Variants in CECR2 observed in about 807,000 individuals in gnomAD.
The protein encoded by CECR2 is CECR2 histone acetyl-lysine reader, also known as chromatin remodeling regulator CECR2.
CECR2 carries 30 observed loss-of-function variants against 154.5 expected under a neutral mutation model. The observed-to-expected ratio is 0.19, with a 90% CI of 0.15 to 0.26. The LOEUF is 0.26. CECR2 is among the 10% of genes least tolerant of loss of function. CECR2 has a pLI of 1.00. For missense variants in CECR2, 1,743 were observed against 1,829.3 expected (o/e 0.95, Z 0.86); for synonymous variants, 725 against 683.7 (o/e 1.06, Z -0.94).
intron 7 of CECR2, among the ~76,000 whole-genome samples, chr22:17,505,500 C>G (rs1322019084): frequency 1.3e-5 from 2 of 149,040 alleles, no homozygotes; most frequent in Non-Finnish European, 3.0e-5. Context: ...CACCCTACTT[C>G]ATGCATTTTC....
At position 17,541,927 on chromosome 22, in the gene CECR2, C is replaced by G; in HGVS notation, c.1973C>G (p.Pro658Arg). 1 of 1,613,986 alleles carries G rather than the reference C, an allele frequency of 6.2e-7. No homozygotes were observed. Among genetic ancestry groups the G allele is most frequent in the Non-Finnish European group, 8.5e-7 (1 of 1,179,880 alleles). The change falls in exon 15 of 19, where the codon CCC becomes CGC. Residue 658 changes from proline to arginine, a missense_variant. Pro to Arg is a moderately radical substitution (Grantham distance 103). Coordinates refer to ENST00000262608, the MANE Select transcript of CECR2 (RefSeq NM_001290047.2). ...TCCTCTGGAGTCCCGGAGCCACACC[C>G]CGGGGAGCCTGTGCAGCAGCGTCAG... Reference protein sequence around the residue: ...YGSSGVPEPHPGEPVQQRQPF... With the variant: ...YGSSGVPEPHRGEPVQQRQPF...
In CECR2 at chr22:17,549,153, G is replaced by A; in HGVS notation, c.3866G>A (p.Arg1289Lys). The A allele has an allele frequency of 6.2e-7, 1 of 1,614,008 alleles. No individual in the cohort carries two copies. Among genetic ancestry groups the A allele is most frequent in the Admixed American group, 1.7e-5 (1 of 60,018 alleles). Reference protein sequence around the residue: ...EEEKLDESMERPESPKEFLDL... With the variant: ...EEEKLDESMEKPESPKEFLDL... ...GAGAAGCTGGATGAATCTATGGAGA[G>A]GCCAGAGAGTCCCAAAGAATTTTTA... Residue 1289 changes from arginine to lysine, a missense_variant, in exon 17 of 19, where the codon AGG becomes AAG. Coordinates refer to ENST00000262608, the MANE Select transcript of CECR2 (RefSeq NM_001290047.2).
At chr22:17,416,824 A>G (rs1038682398) in intron 1 of CECR2, among the ~76,000 whole-genome samples, 2 of 152,134 alleles carry the variant, frequency 1.3e-5, no homozygotes, top group Non-Finnish European at 2.9e-5. Flanking sequence ...TTATAGATGG[A>G]TCATGGTTCT....
chr22:17,495,014 C>A (rs1441979579), intron 2 of CECR2, among the ~76,000 whole-genome samples: 15 of 152,208 alleles, frequency 9.9e-5, no homozygotes, highest in Admixed American at 9.2e-4. Flanking sequence ...TTCTTATTTG[C>A]CTAAGCCTTC....
At chr22:17,518,598 CT>C (rs2056101864) in intron 8 of CECR2, 1 of 386,130 alleles carries the variant, frequency 2.6e-6, no homozygotes, top group South Asian at 2.3e-5. Flanking sequence ...TCACGTCTAT[CT>C]TTAGGACGGA....
In CECR2 at chr22:17,447,964, G is replaced by A. The variant is rs1252668095; in HGVS notation, c.127-29624G>A. ...CAGTGCAAATAGAGAACAGGTACAG[G>A]TCCATTAGAGCAATTTCCATCTTAA... On this transcript the variant is annotated intron_variant, in intron 1 of 18. Coordinates refer to ENST00000262608, the MANE Select transcript of CECR2 (RefSeq NM_001290047.2). Among the ~76,000 whole-genome samples the A allele has an allele frequency of 2.6e-5, 4 of 152,092 alleles. No homozygotes were observed. In the East Asian group the frequency reaches 5.8e-4, roughly 22 times the overall value.
At chr22:17,451,576 C>G (rs936109415) in intron 1 of CECR2, among the ~76,000 whole-genome samples, 3 of 152,118 alleles carry the variant, frequency 2.0e-5, no homozygotes, top group Non-Finnish European at 2.9e-5. Flanking sequence ...TGCTCCATTC[C>G]AACCTCACAG....
chr22:17,432,563 TGCATTACTTTA>T (rs1266691379), intron 1 of CECR2, among the ~76,000 whole-genome samples: 1 of 152,244 alleles, frequency 6.6e-6, no homozygotes, highest in African/African-American at 2.4e-5. Context: ...CCAAAGTCAC[TGCATTACTTTA>T]CATTCTCACC....
At chr22:17,498,975 A>AT (rs1331385817) in intron 3 of CECR2, among the ~76,000 whole-genome samples, 2 of 145,776 alleles carry the variant, frequency 1.4e-5, no homozygotes, top group African/African-American at 2.5e-5. Context: ...ATACTTGGAC[A>AT]TTTTTATTTA....
chr22:17,386,771 C>T (rs1237981226), intron 1 of CECR2, among the ~76,000 whole-genome samples: 3 of 152,020 alleles, frequency 2.0e-5, no homozygotes, highest in African/African-American at 7.3e-5. Context: ...CTGTCTCAGC[C>T]TCCCAAGTAG....
At chr22:17,542,050 T>A (rs2056532236) in intron 15 of CECR2, 83 bp downstream of exon 15, 5 of 1,572,490 alleles carry the variant, frequency 3.2e-6, no homozygotes, top group African/African-American at 2.7e-5. Flanking sequence ...AGGTTAAATG[T>A]TGTTCATTGC....
At chr22:17,415,601 T>C (rs550748732) in intron 1 of CECR2, among the ~76,000 whole-genome samples, 3 of 152,320 alleles carry the variant, frequency 2.0e-5, no homozygotes, top group South Asian at 2.1e-4. Context: ...ATTTACACCA[T>C]GCATTGGATA....
intron 9 of CECR2, 56 bp downstream of exon 9, chr22:17,524,327 T>C (rs1433937634): frequency 1.9e-5 from 30 of 1,583,596 alleles, no homozygotes; most frequent in Non-Finnish European, 2.6e-5. Context: ...CCAGCCGTCC[T>C]GTAGCCAGAG....
At chr22:17,399,624 G>C (rs1481213397) in intron 1 of CECR2, among the ~76,000 whole-genome samples, 1 of 152,044 alleles carries the variant, frequency 6.6e-6, no homozygotes, top group Non-Finnish European at 1.5e-5. Context: ...CACTGTGTTG[G>C]TCAGGATGGT....
intron 9 of CECR2, among the ~76,000 whole-genome samples, chr22:17,530,208 C>G (rs2056332101): frequency 6.6e-6 from 1 of 151,192 alleles, no homozygotes; most frequent in African/African-American, 2.4e-5. Flanking sequence ...GTTACATTAC[C>G]CATACTTTTG....
At chr22:17,508,081 G>T (rs1216585553) in intron 7 of CECR2, among the ~76,000 whole-genome samples, 1 of 152,132 alleles carries the variant, frequency 6.6e-6, no homozygotes, top group Non-Finnish European at 1.5e-5. Context: ...TCATTCCATA[G>T]TATATACAAT....
intron 1 of CECR2, among the ~76,000 whole-genome samples, chr22:17,414,208 G>A (rs1035536931): frequency 2.0e-4 from 31 of 152,130 alleles, no homozygotes; most frequent in East Asian, 7.7e-4. Context: ...GCCTGACCTC[G>A]TGATCCGCCC....
chr22:17,552,309 G>A lies in CECR2; in HGVS notation c.4389+167G>A, dbSNP rs559210104. ...CTTGGAAAAAGAGCAAGAGGCCTCG[G>A]AAGTCACCTCTCACATGTCTCTTTT... On this transcript the variant is annotated intron_variant, in intron 18 of 18. Coordinates refer to ENST00000262608, the MANE Select transcript of CECR2 (RefSeq NM_001290047.2). Among the ~76,000 whole-genome samples, 19 of 152,278 alleles carry A rather than the reference G, an allele frequency of 1.2e-4. No individual in the cohort carries two copies. The South Asian group carries it at 3.9e-3, about 32-fold the overall frequency.
rs150862438 is a variant in CECR2 at position 17,504,046 on chromosome 22, CTAAA to C, written c.701-772_701-769del. Reference sequence around the variant, plus strand: ...TGGACAACAGAGCAGGACTCTGCCTCTAAATAAATAAATAAATAAATAAATAAAT... The same window carrying C: ...TGGACAACAGAGCAGGACTCTGCCTCTAAATAAATAAATAAATAAATAAAT... On this transcript the variant is annotated intron_variant, in intron 6 of 18. Coordinates refer to ENST00000262608, the MANE Select transcript of CECR2 (RefSeq NM_001290047.2). Among the ~76,000 whole-genome samples the C allele has an allele frequency of 9.0e-3, 1,228 of 136,590 alleles. 20 individuals are homozygous for C. Among genetic ancestry groups the C allele is most frequent in the African/African-American group, 0.032 (1,170 of 36,688 alleles). The allele number at this position is 136,590 out of a possible 152,430, so 89.6% of individuals were successfully genotyped here.
Sources: gnomAD v4.1 joint callset for allele counts (sites outside exome capture counted in the v4.1 genomes callset) on GRCh38, gnomAD v4.1.1 for gene constraint, MANE v1.5 for transcripts, NCBI Gene and HGNC (gene_info 2026-07-23, HGNC 2026-07-21) for gene names.